CNTN4: variants seen among roughly 807,000 people sequenced by gnomAD.
CNTN4 encodes contactin 4.
A neutral mutation model predicts 122.5 loss-of-function variants in CNTN4; 77 were observed. The observed-to-expected ratio is 0.63, with a 90% CI of 0.52 to 0.76. The LOEUF (loss-of-function observed/expected upper bound fraction) is 0.76. CNTN4 is among the 30% of genes least tolerant of loss of function. The pLI, the probability that CNTN4 is intolerant of heterozygous loss-of-function variation, is 0.00. For missense variants in CNTN4, 1,256 were observed against 1,259.1 expected, an observed-to-expected ratio of 1.00 and a Z score of 0.04; for synonymous variants, 512 against 447.0, an observed-to-expected ratio of 1.15 and a Z score of -1.83.
intron 2 of CNTN4, among the ~76,000 whole-genome samples, chr3:2,106,758 T>A (rs553755702): frequency 7.2e-5 from 11 of 152,370 alleles, no homozygotes; most frequent in African/African-American, 2.2e-4. Flanking sequence ...TTTCTGCAGC[T>A]GGCTTGAATT....
intron 13 of CNTN4, among the ~76,000 whole-genome samples, chr3:2,964,527 G>A (rs949472825): frequency 2.0e-5 from 3 of 152,062 alleles, no homozygotes; most frequent in African/African-American, 7.2e-5. Context: ...AATCACCTAA[G>A]AACCTTAATA....
At chr3:2,561,576 G>A (rs752303050) in intron 3 of CNTN4, among the ~76,000 whole-genome samples, 1 of 151,912 alleles carries the variant, frequency 6.6e-6, no homozygotes, top group East Asian at 1.9e-4. Context: ...TGCCCCTCTT[G>A]TTTTTTCCAG....
chr3:2,333,585 G>A (rs1298826379), intron 2 of CNTN4, among the ~76,000 whole-genome samples: 1 of 152,106 alleles, frequency 6.6e-6, no homozygotes, highest in African/African-American at 2.4e-5. Flanking sequence ...GTATCATCTT[G>A]TATTTTGTTT....
chr3:2,459,241 C>T (rs2049113284), intron 3 of CNTN4, among the ~76,000 whole-genome samples: 1 of 152,126 alleles, frequency 6.6e-6, no homozygotes, highest in Non-Finnish European at 1.5e-5. Context: ...TTGAATGCAT[C>T]ACTATACTTT....
intron 16 of CNTN4, among the ~76,000 whole-genome samples, chr3:3,032,329 A>C (rs998056719): frequency 6.6e-6 from 1 of 152,250 alleles, no homozygotes; most frequent in Non-Finnish European, 1.5e-5. Context: ...TAAAACACCA[A>C]TAAATTAGAC....
At chr3:2,343,521 GTAAC>G (rs1308293102) in intron 3 of CNTN4, among the ~76,000 whole-genome samples, 1 of 152,154 alleles carries the variant, frequency 6.6e-6, no homozygotes, top group Non-Finnish European at 1.5e-5. Flanking sequence ...TTTACATAGT[GTAAC>G]TAAGTAACCA....
chr3:2,623,901 A>C (rs1164012601), intron 4 of CNTN4, among the ~76,000 whole-genome samples: 1 of 152,154 alleles, frequency 6.6e-6, no homozygotes, highest in Non-Finnish European at 1.5e-5. Flanking sequence ...AAAAAAACAA[A>C]ACAAAACAAA....
intron 3 of CNTN4, among the ~76,000 whole-genome samples, chr3:2,441,397 A>G (rs1214080868): frequency 6.6e-6 from 1 of 152,180 alleles, no homozygotes; most frequent in Non-Finnish European, 1.5e-5. Context: ...ATTGCTTACC[A>G]TAGGACCCAA....
At chr3:2,111,516 G>A (rs898034542) in intron 2 of CNTN4, among the ~76,000 whole-genome samples, 32 of 152,080 alleles carry the variant, frequency 2.1e-4, no homozygotes, top group Non-Finnish European at 3.5e-4. Flanking sequence ...TTTTAGGTTG[G>A]TATTTAGTCT....
At position 2,674,662 on chromosome 3, in the gene CNTN4, G is replaced by A. The variant is rs979375911; in HGVS notation, c.56-61553G>A. Among the ~76,000 whole-genome samples the A allele has an allele frequency of 4.6e-5, 7 of 152,256 alleles. 1 individual carries two copies. Among genetic ancestry groups the A allele is most frequent in the East Asian group, 3.9e-4 (2 of 5,168 alleles). ...ATTCCCAGCTACTGGGGAGGTGGAG[G>A]CAGGACAGTCACCTGAACCCGGGAG... On this transcript the variant is annotated intron_variant, in intron 4 of 24. Coordinates refer to ENST00000418658, the MANE Select transcript of CNTN4 (RefSeq NM_175607.3).
chr3:2,569,271 A>G (rs2079315848), intron 3 of CNTN4, among the ~76,000 whole-genome samples: 1 of 152,230 alleles, frequency 6.6e-6, no homozygotes, highest in Non-Finnish European at 1.5e-5. Flanking sequence ...CTCCCTGGTA[A>G]ACATACAGGC....
At chr3:2,930,750 A>C (rs2094513034) in intron 13 of CNTN4, among the ~76,000 whole-genome samples, 1 of 152,160 alleles carries the variant, frequency 6.6e-6, no homozygotes, top group African/African-American at 2.4e-5. Flanking sequence ...TTCCAGTTTC[A>C]TTCCATGGAT....
intron 3 of CNTN4, among the ~76,000 whole-genome samples, chr3:2,414,806 G>T (rs1056311073): frequency 2.0e-5 from 3 of 152,018 alleles, no homozygotes; most frequent in African/African-American, 7.2e-5. Context: ...TTAATACAAA[G>T]ATCTGCCAAA....
chr3:2,230,776 G>A (rs1436901234), intron 2 of CNTN4, among the ~76,000 whole-genome samples: 2 of 152,050 alleles, frequency 1.3e-5, no homozygotes, highest in African/African-American at 4.8e-5. Context: ...CTTGAGCCCA[G>A]GAGTTCGAGA....
intron 2 of CNTN4, among the ~76,000 whole-genome samples, chr3:2,242,090 A>T (rs1164739232): frequency 6.6e-6 from 1 of 152,194 alleles, no homozygotes; most frequent in African/African-American, 2.4e-5. Context: ...TACTAGGAAG[A>T]ACACAATTAT....
chr3:2,666,601 T>C (rs969722861), intron 4 of CNTN4, among the ~76,000 whole-genome samples: 1 of 150,230 alleles, frequency 6.7e-6, no homozygotes, highest in African/African-American at 2.4e-5. Context: ...TTTATTTTTA[T>C]TTTTTATTAT....
chr3:2,445,255 A>G (rs2048581902), intron 3 of CNTN4, among the ~76,000 whole-genome samples: 1 of 152,158 alleles, frequency 6.6e-6, no homozygotes. Flanking sequence ...TGGAGTCAGG[A>G]GATGTGTTTG....
intron 6 of CNTN4, among the ~76,000 whole-genome samples, chr3:2,754,780 G>A (rs1237245672): frequency 6.6e-6 from 1 of 150,972 alleles, no homozygotes; most frequent in Non-Finnish European, 1.5e-5. Flanking sequence ...ATTTTAAAAA[G>A]AGAGTAATGT....
chr3:2,873,718 C>T (rs1448022255), intron 8 of CNTN4, among the ~76,000 whole-genome samples: 1 of 152,174 alleles, frequency 6.6e-6, no homozygotes, highest in African/African-American at 2.4e-5. Flanking sequence ...TTGTAGGCCA[C>T]TTAATTAACC....
Sources: allele counts gnomAD v4.1 joint callset (sites outside exome capture counted in the v4.1 genomes callset), GRCh38; gene constraint gnomAD v4.1.1; transcripts MANE v1.5; gene names NCBI Gene and HGNC (gene_info 2026-07-23, HGNC 2026-07-21).